Variants in ZNF536 observed in about 807,000 individuals in gnomAD.
ZNF536 encodes zinc finger protein 536.
Under a neutral mutation model 84.5 loss-of-function variants are expected in ZNF536, and 13 were observed. That is an observed-to-expected ratio of 0.15 (90% CI 0.10 to 0.24). ZNF536 has a LOEUF of 0.24. Among genes scored for constraint, ZNF536 ranks in the 10% least tolerant of loss-of-function variants. The probability of loss-of-function intolerance (pLI) is 1.00; values close to 1 mark genes in which losing one functional copy is unlikely to be tolerated. For synonymous variants in ZNF536, 811 were observed against 742.5 expected, an observed-to-expected ratio of 1.09 and a Z score of -1.50; for missense variants, 1,536 against 1,747.5, an observed-to-expected ratio of 0.88 and a Z score of 2.16.
chr19:30,393,397 A>G (rs2049680950), intron 1 of ZNF536, among the ~76,000 whole-genome samples: 1 of 152,200 alleles, frequency 6.6e-6, no homozygotes, highest in Non-Finnish European at 1.5e-5. Flanking sequence ...CAAAGAGTTT[A>G]TTGAAGACCT....
At chr19:30,235,515 T>C (rs552340402) in intron 1 of ZNF536, among the ~76,000 whole-genome samples, 15 of 152,326 alleles carry the variant, frequency 9.8e-5, no homozygotes, top group African/African-American at 2.9e-4. Context: ...CAAGTAACTA[T>C]AGAGACAGCA....
At chr19:30,415,766 G>A (rs938727497) in intron 1 of ZNF536, among the ~76,000 whole-genome samples, 1 of 151,910 alleles carries the variant, frequency 6.6e-6, no homozygotes, top group Non-Finnish European at 1.5e-5. Flanking sequence ...GCCCACCACC[G>A]TGCCCGGCTA....
chr19:30,327,324 T>C (rs10417441), intron 2 of ZNF536, among the ~76,000 whole-genome samples: 146,856 of 152,070 alleles, frequency 0.97, 70,989 homozygotes, highest in Non-Finnish European at 0.98. Context: ...ATGACTGAGG[T>C]CTGACTGAAC....
chr19:30,342,950 C>G (rs1404373401), intron 2 of ZNF536, among the ~76,000 whole-genome samples: 1 of 152,224 alleles, frequency 6.6e-6, no homozygotes, highest in Non-Finnish European at 1.5e-5. Context: ...CTCAATCATG[C>G]CTGGCTTAGT....
At chr19:30,499,024 C>A (rs2054839038) in intron 2 of ZNF536, among the ~76,000 whole-genome samples, 1 of 134,588 alleles carries the variant, frequency 7.4e-6, no homozygotes, top group African/African-American at 2.6e-5. Flanking sequence ...TTTGGTACTT[C>A]TTTTTCTTCT....
chr19:30,662,891 A>C (rs999327905), intron 1 of ZNF536, among the ~76,000 whole-genome samples: 2 of 151,966 alleles, frequency 1.3e-5, no homozygotes, highest in African/African-American at 2.4e-5. Context: ...GATGGAAATA[A>C]TAAGTCCTCC....
At chr19:30,511,301 A>G (rs1481249936) in intron 2 of ZNF536, among the ~76,000 whole-genome samples, 3 of 152,196 alleles carry the variant, frequency 2.0e-5, no homozygotes, top group Non-Finnish European at 2.9e-5. Flanking sequence ...AGAATGTCAC[A>G]GACCCCCAAT....
intron 2 of ZNF536, among the ~76,000 whole-genome samples, chr19:30,510,588 A>G (rs980028917): frequency 6.6e-6 from 1 of 152,164 alleles, no homozygotes; most frequent in Non-Finnish European, 1.5e-5. Context: ...AGACGCGGGG[A>G]TCGCTGCTTC....
At chr19:30,551,752 T>C (rs192785518) in intron 4 of ZNF536, among the ~76,000 whole-genome samples, 33 of 152,290 alleles carry the variant, frequency 2.2e-4, no homozygotes, top group Non-Finnish European at 4.3e-4. Context: ...TGCATTCCAT[T>C]TGGCCCCATT....
At position 30,445,874 on chromosome 19, in the gene ZNF536, G is replaced by C; in HGVS notation, c.2170+142G>C. 1 of 1,186,730 alleles carries C rather than the reference G, an allele frequency of 8.4e-7. No homozygotes were observed. Among genetic ancestry groups the C allele is most frequent in the Non-Finnish European group, 1.1e-6 (1 of 883,600 alleles). 73.5% of individuals were successfully genotyped at this position (1,186,730 alleles called of 1,614,324 possible). A position where few individuals can be genotyped will look rare whatever the true frequency, so the allele number is the denominator to read the frequency against. ...AGGGGTGGGTTGGACACTGGGCCAT[G>C]CCTTTCTTTCCCCCCCTGACTGGAG... On this transcript the variant is annotated intron_variant, in intron 2 of 4. Transcript: ENST00000355537. This position sits in a 1 kb window ranked among gnomAD's most constrained non-coding sequence, Gnocchi z 4.5.
At chr19:30,475,161 A>G (rs1347038037) in intron 2 of ZNF536, among the ~76,000 whole-genome samples, 2 of 152,098 alleles carry the variant, frequency 1.3e-5, no homozygotes, top group African/African-American at 4.8e-5. Context: ...GCTCACTGCA[A>G]CCTTCGTCTC....
At chr19:30,246,231 C>T (rs966878168) in intron 1 of ZNF536, among the ~76,000 whole-genome samples, 3 of 152,234 alleles carry the variant, frequency 2.0e-5, no homozygotes, top group South Asian at 2.1e-4. Flanking sequence ...GGGGAGCTTA[C>T]GATGCTTGTG....
At chr19:30,603,235 G>A (rs1386489374) in intron 1 of ZNF536, among the ~76,000 whole-genome samples, 1 of 152,224 alleles carries the variant, frequency 6.6e-6, no homozygotes, top group Non-Finnish European at 1.5e-5. Flanking sequence ...CTGGCACAGT[G>A]CCTGAAACAG....
chr19:30,301,655 C>A (rs527842364), intron 2 of ZNF536, among the ~76,000 whole-genome samples: 1 of 152,200 alleles, frequency 6.6e-6, no homozygotes, highest in East Asian at 1.9e-4. Context: ...AGTTATATAA[C>A]CGAATCTTTT....
chr19:30,402,438 G>A (rs533981250), intron 1 of ZNF536, among the ~76,000 whole-genome samples: 1 of 152,242 alleles, frequency 6.6e-6, no homozygotes, highest in South Asian at 2.1e-4. Flanking sequence ...ATCTGTAACA[G>A]CATAATACTT....
intron 1 of ZNF536, among the ~76,000 whole-genome samples, chr19:30,402,112 C>T (rs896076933): frequency 6.6e-6 from 1 of 152,136 alleles, no homozygotes; most frequent in South Asian, 2.1e-4. Flanking sequence ...AGTTCTCAGC[C>T]CTTGAAGGCA....
intron 1 of ZNF536, among the ~76,000 whole-genome samples, chr19:30,391,653 G>T (rs2049595927): frequency 6.6e-6 from 1 of 152,132 alleles, no homozygotes; most frequent in Non-Finnish European, 1.5e-5. Flanking sequence ...TAATTGTAAA[G>T]AATGATAAAG....
At chr19:30,614,969 C>A (rs1298892758) in intron 1 of ZNF536, among the ~76,000 whole-genome samples, 1 of 7,130 alleles carries the variant, frequency 1.4e-4, no homozygotes, top group Admixed American at 9.6e-4. Context: ...TTTTTTGAGG[C>A]GGAGTTTCGC....
chr19:30,345,807 A>T (rs558933825), intron 2 of ZNF536, among the ~76,000 whole-genome samples: 1 of 152,304 alleles, frequency 6.6e-6, no homozygotes, highest in East Asian at 1.9e-4. Context: ...CATCCCGGGG[A>T]CTAGGTCGGC....
Sources: gnomAD v4.1 joint callset for allele counts (sites outside exome capture counted in the v4.1 genomes callset) on GRCh38, gnomAD v4.1.1 for gene constraint, Gnocchi (gnomAD v3.1) non-coding constraint, MANE v1.5 for transcripts, NCBI Gene and HGNC (gene_info 2026-07-23, HGNC 2026-07-21) for gene names.